The following TPST1 variants were observed in gnomAD, a reference collection of about 807,000 sequenced individuals.
TPST1 encodes tyrosylprotein sulfotransferase 1.
Under a neutral mutation model 34.8 loss-of-function variants are expected in TPST1, and 20 were observed. The observed-to-expected ratio is 0.57, with a 90% CI of 0.40 to 0.84. TPST1 has a LOEUF of 0.84. Among genes scored for constraint, TPST1 ranks in the 40% least tolerant of loss-of-function variants. TPST1 has a pLI of 0.00. For missense variants in TPST1, 353 were observed against 455.5 expected, an observed-to-expected ratio of 0.78 and a Z score of 2.05; for synonymous variants, 152 against 159.4, an observed-to-expected ratio of 0.95 and a Z score of 0.35.
In TPST1 at chr7:66,228,707, A is replaced by G. The variant is rs17786284; in HGVS notation, c.-101-11618A>G. On this transcript the variant is annotated intron_variant, in intron 1 of 5. Coordinates refer to ENST00000304842, the MANE Select transcript of TPST1 (RefSeq NM_003596.4). ...TAAGTGTTCATAAGATGGAAAATAC[A>G]AGACTTTTTCTAGGATCATTCCTCT... Among the ~76,000 whole-genome samples, 383 of 152,324 alleles carry G rather than the reference A, an allele frequency of 2.5e-3. 4 individuals are homozygous for G. Among genetic ancestry groups the G allele is most frequent in the Non-Finnish European group, 3.9e-3 (264 of 68,032 alleles).
intron 2 of TPST1, among the ~76,000 whole-genome samples, chr7:66,265,742 C>T (rs772431097): frequency 2.8e-4 from 42 of 151,960 alleles, no homozygotes; most frequent in Admixed American, 7.9e-4. Context: ...ATCTTTAAAG[C>T]GGCAAGAGAA....
intron 3 of TPST1, among the ~76,000 whole-genome samples, chr7:66,301,253 C>T (rs1324804809): frequency 1.3e-5 from 2 of 152,180 alleles, no homozygotes; most frequent in East Asian, 1.9e-4. Context: ...CCTCTCACAG[C>T]CTTTATAAAA....
chr7:66,214,337 A>G (rs1054414886), intron 1 of TPST1, among the ~76,000 whole-genome samples: 5 of 151,448 alleles, frequency 3.3e-5, no homozygotes, highest in East Asian at 3.9e-4. Flanking sequence ...TTAGAGTAAT[A>G]TATACTATTA....
At chr7:66,336,233 C>T (rs1792117360) in intron 3 of TPST1, among the ~76,000 whole-genome samples, 1 of 151,866 alleles carries the variant, frequency 6.6e-6, no homozygotes, top group Non-Finnish European at 1.5e-5. Context: ...TGGTGTGAAC[C>T]CAGGAGGCGG....
intron 3 of TPST1, among the ~76,000 whole-genome samples, chr7:66,306,276 T>C (rs1791422143): frequency 6.6e-6 from 1 of 152,234 alleles, no homozygotes; most frequent in Non-Finnish European, 1.5e-5. Flanking sequence ...TATACATTGT[T>C]TTGCCTTTTG....
Position 66,328,906 on chromosome 7 carries a change from A to ATAT in TPST1, c.1045-23598_1045-23597insATT, listed in dbSNP as rs1299138303. On this transcript the variant is annotated intron_variant, in intron 3 of 5. Transcript: ENST00000304842. ...TCTCTCTATATATATATATATATAT[A>ATAT]TTTTTTTTTTTTTTTTTTTTTTTGA... 8.6e-3 allele frequency among the ~76,000 whole-genome samples: 113 copies of ATAT among 13,182 alleles called. 10 individuals carry two copies. The highest frequency in any genetic ancestry group is 0.011 in the Non-Finnish European group (97 of 8,612). 8.6% of individuals were successfully genotyped at this position (13,182 alleles called of 152,430 possible).
At chr7:66,233,701 C>T (rs1489326012) in intron 1 of TPST1, among the ~76,000 whole-genome samples, 1 of 152,172 alleles carries the variant, frequency 6.6e-6, no homozygotes, top group Admixed American at 6.5e-5. Flanking sequence ...AAAGTAACTC[C>T]ATGCATGAAA....
At chr7:66,317,929 C>T (rs1421910078) in intron 3 of TPST1, among the ~76,000 whole-genome samples, 2 of 152,146 alleles carry the variant, frequency 1.3e-5, no homozygotes, top group East Asian at 1.9e-4. Flanking sequence ...GAGGCCAAAG[C>T]GGGTGGATCA....
At chr7:66,269,282 A>G (rs1010425602) in intron 2 of TPST1, among the ~76,000 whole-genome samples, 1 of 152,228 alleles carries the variant, frequency 6.6e-6, no homozygotes, top group Non-Finnish European at 1.5e-5. Flanking sequence ...TCAGAACCCA[A>G]TAGAAATTAC....
At chr7:66,276,469 G>A (rs1291611925) in intron 2 of TPST1, among the ~76,000 whole-genome samples, 2 of 148,956 alleles carry the variant, frequency 1.3e-5, no homozygotes, top group Non-Finnish European at 3.0e-5. Flanking sequence ...TGCCTCCTGG[G>A]TTCAAGTGAT....
chr7:66,308,574 GC>G (rs1158615348), intron 3 of TPST1, among the ~76,000 whole-genome samples: 2 of 152,132 alleles, frequency 1.3e-5, no homozygotes, highest in Admixed American at 6.6e-5. Context: ...CTCTGCGTGT[GC>G]TTATAAAGTA....
intron 2 of TPST1, among the ~76,000 whole-genome samples, chr7:66,263,323 CA>C (rs549095768): frequency 1.1e-4 from 16 of 152,170 alleles, no homozygotes; most frequent in Middle Eastern, 3.4e-3. Context: ...TGCACAAAGC[CA>C]AAAGATGGGC....
At chr7:66,247,151 G>C (rs1315468483) in intron 2 of TPST1, among the ~76,000 whole-genome samples, 1 of 152,214 alleles carries the variant, frequency 6.6e-6, no homozygotes, top group Non-Finnish European at 1.5e-5. Flanking sequence ...AAAGAGGCCA[G>C]GCACAGTGGC....
intron 3 of TPST1, among the ~76,000 whole-genome samples, chr7:66,297,955 C>T (rs1177604229): frequency 6.6e-6 from 1 of 152,122 alleles, no homozygotes; most frequent in Non-Finnish European, 1.5e-5. Flanking sequence ...AGGATAGAGT[C>T]TAGACTTCTT....
At chr7:66,221,014 T>C (rs1453216755) in intron 1 of TPST1, among the ~76,000 whole-genome samples, 1 of 151,900 alleles carries the variant, frequency 6.6e-6, no homozygotes, top group East Asian at 1.9e-4. Context: ...ATGCCTGTAA[T>C]CCCAGCTACT....
intron 2 of TPST1, among the ~76,000 whole-genome samples, chr7:66,280,035 C>A (rs763832440): frequency 6.6e-6 from 1 of 152,230 alleles, no homozygotes; most frequent in Non-Finnish European, 1.5e-5. Context: ...GCCTTCACAT[C>A]GTGACCTGCC....
At chr7:66,343,191 T>A (rs1317581383) in intron 3 of TPST1, among the ~76,000 whole-genome samples, 1 of 152,198 alleles carries the variant, frequency 6.6e-6, no homozygotes, top group Non-Finnish European at 1.5e-5. Context: ...TATTCTATTT[T>A]AATAAGGAGT....
intron 1 of TPST1, among the ~76,000 whole-genome samples, chr7:66,210,945 A>G (rs1789228895): frequency 6.6e-6 from 1 of 151,996 alleles, no homozygotes; most frequent in Admixed American, 6.6e-5. Context: ...CTCCAGCCTG[A>G]GTGACAGAGT....
chr7:66,343,375 TG>T (rs149153827), intron 3 of TPST1, among the ~76,000 whole-genome samples: 1 of 151,964 alleles, frequency 6.6e-6, no homozygotes, highest in Non-Finnish European at 1.5e-5. Context: ...GACATAAAGA[TG>T]GGAACAGTAG....
Sources: allele counts gnomAD v4.1 joint callset (sites outside exome capture counted in the v4.1 genomes callset), GRCh38; gene constraint gnomAD v4.1.1; transcripts MANE v1.5; gene names NCBI Gene and HGNC (gene_info 2026-07-23, HGNC 2026-07-21).